PLCG2: variants seen among roughly 807,000 people sequenced by gnomAD.
PLCG2 encodes the protein 1-phosphatidylinositol 4,5-bisphosphate phosphodiesterase gamma-2.
Under a neutral mutation model 175.6 loss-of-function variants are expected in PLCG2, and 69 were observed. That is an observed-to-expected ratio of 0.39 (90% confidence interval 0.32 to 0.48). The LOEUF is 0.48. PLCG2 is among the 20% of genes least tolerant of loss of function. The pLI is 0.91. For missense variants in PLCG2, 1,798 were observed against 1,650.9 expected, an observed-to-expected ratio of 1.09 and a Z score of -1.54; for synonymous variants, 827 against 624.0, an observed-to-expected ratio of 1.33 and a Z score of -4.85.
chr16:81,875,206 C>T (rs1907722141), intron 7 of PLCG2, among the ~76,000 whole-genome samples: 1 of 152,018 alleles, frequency 6.6e-6, no homozygotes, highest in South Asian at 2.1e-4. Flanking sequence ...TCAGGTGATC[C>T]TCCCGCCTTG....
intron 17 of PLCG2, among the ~76,000 whole-genome samples, chr16:81,909,029 A>G (rs1192154377): frequency 6.6e-6 from 1 of 152,180 alleles, no homozygotes; most frequent in Non-Finnish European, 1.5e-5. Flanking sequence ...TGAAGCCGTC[A>G]TAGGCTGTGA....
chr16:81,882,898 C>T (rs1475359669), intron 8 of PLCG2, among the ~76,000 whole-genome samples: 2 of 152,086 alleles, frequency 1.3e-5, no homozygotes, highest in Non-Finnish European at 2.9e-5. Context: ...TCCCACTCTT[C>T]CCCTCCCTTC....
At chr16:81,782,343 A>G (rs1054963843) in intron 1 of PLCG2, among the ~76,000 whole-genome samples, 3 of 152,202 alleles carry the variant, frequency 2.0e-5, no homozygotes, top group Non-Finnish European at 2.9e-5. Context: ...AGAATTACCC[A>G]TTAAGAATGG....
At chr16:81,889,875 C>T (rs917153051) in intron 10 of PLCG2, among the ~76,000 whole-genome samples, 1 of 152,058 alleles carries the variant, frequency 6.6e-6, no homozygotes, top group Admixed American at 6.6e-5. Context: ...AGGCTGGTGT[C>T]GACTTCCTGA....
intron 1 of PLCG2, among the ~76,000 whole-genome samples, chr16:81,748,462 T>C (rs980407437): frequency 6.6e-6 from 1 of 151,806 alleles, no homozygotes; most frequent in Non-Finnish European, 1.5e-5. Flanking sequence ...TGCTGCATTT[T>C]TGTGGAAATG....
At chr16:81,933,688 C>G (rs1910596279) in intron 25 of PLCG2, among the ~76,000 whole-genome samples, 1 of 152,044 alleles carries the variant, frequency 6.6e-6, no homozygotes, top group East Asian at 1.9e-4. Flanking sequence ...TAATATCCCT[C>G]AAGTGCTTAG....
At chr16:81,877,745 T>TCATTGCTTCTTGGCGTGTAGATGTCATTG (rs1907871970) in intron 7 of PLCG2, among the ~76,000 whole-genome samples, 2 of 152,156 alleles carry the variant, frequency 1.3e-5, no homozygotes, top group African/African-American at 4.8e-5. Context: ...CATGTAGGCG[T>TCATTGCTTCTTGGCGTGTAGATGTCATTG]CATCGCTTCT....
At chr16:81,922,419 T>C (rs1910097022) in intron 21 of PLCG2, among the ~76,000 whole-genome samples, 2 of 152,224 alleles carry the variant, frequency 1.3e-5, no homozygotes, top group South Asian at 4.1e-4. Context: ...AGGAGATACC[T>C]TAAGGCTTGG....
At chr16:81,810,288 G>A (rs1374869331) in intron 2 of PLCG2, among the ~76,000 whole-genome samples, 2 of 152,226 alleles carry the variant, frequency 1.3e-5, no homozygotes, top group Non-Finnish European at 2.9e-5. Context: ...CCCAGCCCAT[G>A]CTTCTCTCCT....
At chr16:81,892,474 C>T (rs564699023) in intron 11 of PLCG2, among the ~76,000 whole-genome samples, 1 of 152,124 alleles carries the variant, frequency 6.6e-6, no homozygotes, top group African/African-American at 2.4e-5. Flanking sequence ...TCCAGGGGGT[C>T]ATCTGGGAAA....
intron 2 of PLCG2, among the ~76,000 whole-genome samples, chr16:81,853,405 C>T (rs1387089008): frequency 6.6e-6 from 1 of 151,990 alleles, no homozygotes; most frequent in Non-Finnish European, 1.5e-5. Flanking sequence ...GCCAGCGTGC[C>T]AGTGCTCCTA....
intron 17 of PLCG2, 135 bp downstream of exon 17, chr16:81,908,726 T>G: frequency 1.4e-6 from 1 of 729,854 alleles, no homozygotes; most frequent in South Asian, 2.0e-5. Flanking sequence ...GTCTAGCTCT[T>G]CTAGGCCGGG....
chr16:81,875,818 A>G, intron 7 of PLCG2, among the ~76,000 whole-genome samples: 1 of 152,202 alleles, frequency 6.6e-6, no homozygotes, highest in Non-Finnish European at 1.5e-5. Flanking sequence ...CCTATGATCC[A>G]GTAAGGCATT....
intron 1 of PLCG2, chr16:81,783,042 G>C: frequency 2.3e-6 from 1 of 444,300 alleles, no homozygotes; most frequent in East Asian, 7.0e-5. Context: ...AAGTAACTGG[G>C]ACCCTGGGGA....
rs184985755 is a variant in PLCG2 at position 81,788,622 on chromosome 16, G to A, written c.193+2440G>A. Among the ~76,000 whole-genome samples the A allele has an allele frequency of 3.2e-3, 492 of 152,312 alleles. 2 individuals carry two copies. The highest frequency in any genetic ancestry group is 0.011 in the African/African-American group (459 of 41,556). ...TTGCCTGAACCCTCATCTATGCTGC[G>A]TGGCTGCTGAACTTGGCCATCCACA... On this transcript the variant is annotated intron_variant, in intron 2 of 32. Coordinates refer to ENST00000564138, the MANE Select transcript of PLCG2 (RefSeq NM_002661.5).
Position 81,956,685 on chromosome 16 carries a change from C to T in PLCG2, c.3571-10C>T, listed in dbSNP as rs376240742. 34 of 1,611,422 alleles carry T rather than the reference C, an allele frequency of 2.1e-5. No individual in the cohort carries two copies. Among genetic ancestry groups the T allele is most frequent in the Admixed American group, 3.3e-5 (2 of 59,940 alleles). On this transcript the variant is annotated splice_polypyrimidine_tract_variant and intron_variant, in intron 31 of 32. Transcript: ENST00000564138. Reference sequence around the variant, plus strand: ...CACCACATGGTTGTTCTCTCCCCTGCATCCTCCAGGAGAGCGAAGAGGAAC... The same window carrying T: ...CACCACATGGTTGTTCTCTCCCCTGTATCCTCCAGGAGAGCGAAGAGGAAC...
At chr16:81,819,530 C>T (rs1310909586) in intron 2 of PLCG2, among the ~76,000 whole-genome samples, 2 of 152,178 alleles carry the variant, frequency 1.3e-5, no homozygotes, top group African/African-American at 2.4e-5. Context: ...GTGAGATCTT[C>T]CCAGCCACCT....
At chr16:81,798,274 T>A (rs1911562550) in intron 2 of PLCG2, among the ~76,000 whole-genome samples, 1 of 152,082 alleles carries the variant, frequency 6.6e-6, no homozygotes. Flanking sequence ...CTGCCATATG[T>A]CTCCTCAGGC....
intron 14 of PLCG2, among the ~76,000 whole-genome samples, chr16:81,903,400 C>A (rs572216071): frequency 2.0e-5 from 3 of 152,212 alleles, no homozygotes; most frequent in Non-Finnish European, 4.4e-5. Context: ...TTGGTGCCCC[C>A]ATGGGTAAGA....
Sources: allele counts gnomAD v4.1 joint callset (sites outside exome capture counted in the v4.1 genomes callset), GRCh38; gene constraint gnomAD v4.1.1; transcripts MANE v1.5; gene names NCBI Gene and HGNC (gene_info 2026-07-23, HGNC 2026-07-21).